Variants in GPC5 observed in about 807,000 individuals in gnomAD.
GPC5 encodes glypican 5.
Under a neutral mutation model 53.9 loss-of-function variants are expected in GPC5, and 47 were observed. That is an observed-to-expected ratio of 0.87 (90% CI 0.69 to 1.11). The LOEUF (loss-of-function observed/expected upper bound fraction) is 1.11, where lower values mean the gene tolerates loss of function less well. Ranked by LOEUF, GPC5 falls within the 50% of genes most tolerant of loss-of-function variation. The probability of loss-of-function intolerance (pLI) is 0.00; values close to 1 mark genes in which losing one functional copy is unlikely to be tolerated. For synonymous variants in GPC5, 286 were observed against 263.3 expected (o/e 1.09, Z -0.84); for missense variants, 748 against 713.1 (o/e 1.05, Z -0.56).
rs148844385 is a variant in GPC5 at position 92,423,418 on chromosome 13, C to A, written c.1561+278429C>A. On this transcript the variant is annotated intron_variant, in intron 7 of 7. Transcript: ENST00000377067. Reference sequence around the variant, plus strand: ...AATTTCTTATTTTTCCATCAGATAACATTATTTGCTTATTTTGCTAATAGT... The same window carrying A: ...AATTTCTTATTTTTCCATCAGATAAAATTATTTGCTTATTTTGCTAATAGT... Among the ~76,000 whole-genome samples the A allele has an allele frequency of 1.3e-3, 198 of 152,240 alleles. 1 individual carries two copies. In the East Asian group the frequency reaches 0.036, roughly 28 times the overall value.
intron 6 of GPC5, among the ~76,000 whole-genome samples, chr13:92,002,736 T>C (rs2040566755): frequency 6.6e-6 from 1 of 152,162 alleles, no homozygotes; most frequent in South Asian, 2.1e-4. Context: ...AAAAAACTAC[T>C]TTTAGGAATG....
At position 92,191,569 on chromosome 13, in the gene GPC5, T is replaced by C. The variant is rs4516082; in HGVS notation, c.1561+46580T>C. ...ATCCATATAGAAAGCAGTACATGGA[T>C]CTTTACAGCAGCTTTATTAATAATT... On this transcript the variant is annotated intron_variant, in intron 7 of 7. Transcript: ENST00000377067. Among the ~76,000 whole-genome samples the C allele has an allele frequency of 3.3e-3, 500 of 152,184 alleles. 3 individuals are homozygous for C. The highest frequency in any genetic ancestry group is 0.021 in the South Asian group (102 of 4,822).
chr13:92,204,693 C>G (rs1229396894), intron 7 of GPC5, among the ~76,000 whole-genome samples: 1 of 152,140 alleles, frequency 6.6e-6, no homozygotes. Flanking sequence ...AGAAAAGATA[C>G]AGATCCAAAG....
chr13:91,600,860 A>G (rs2033159278), intron 2 of GPC5, among the ~76,000 whole-genome samples: 1 of 152,174 alleles, frequency 6.6e-6, no homozygotes. Flanking sequence ...AGGAAGATGT[A>G]TATACCTTTG....
Position 92,618,771 on chromosome 13 carries a change from G to T in GPC5, c.1562-247511G>T, listed in dbSNP as rs554119641. Reference sequence around the variant, plus strand: ...TTAGATTGACCACTAACATGACATAGACATAGAGTGTCATGTGAAATAAAG... The same window carrying T: ...TTAGATTGACCACTAACATGACATATACATAGAGTGTCATGTGAAATAAAG... On this transcript the variant is annotated intron_variant, in intron 7 of 7. Transcript: ENST00000377067. 8.6e-4 allele frequency among the ~76,000 whole-genome samples: 128 copies of T among 149,416 alleles called. 1 individual carries two copies. The highest frequency in any genetic ancestry group is 2.9e-3 in the African/African-American group (119 of 40,790).
At chr13:92,396,257 C>T (rs1875264438) in intron 7 of GPC5, among the ~76,000 whole-genome samples, 1 of 152,066 alleles carries the variant, frequency 6.6e-6, no homozygotes, top group South Asian at 2.1e-4. Flanking sequence ...ATTCAATCTG[C>T]TTGTAAAGCC....
chr13:92,435,083 T>A (rs955233500), intron 7 of GPC5, among the ~76,000 whole-genome samples: 2 of 152,030 alleles, frequency 1.3e-5, no homozygotes, highest in African/African-American at 4.8e-5. Flanking sequence ...CCCAGCTAAT[T>A]TTTGTATTTT....
intron 7 of GPC5, among the ~76,000 whole-genome samples, chr13:92,279,762 TA>T (rs1355985624): frequency 4.6e-5 from 7 of 152,108 alleles, no homozygotes; most frequent in African/African-American, 1.7e-4. Context: ...ATTTCTAGAA[TA>T]AATTCCACTT....
intron 6 of GPC5, among the ~76,000 whole-genome samples, chr13:92,008,168 T>C (rs528009871): frequency 1.3e-4 from 20 of 150,612 alleles, no homozygotes; most frequent in Admixed American, 4.7e-4. Flanking sequence ...GTTCACGCCA[T>C]TCTCCTGCTT....
chr13:92,407,529 T>C (rs1213637866), intron 7 of GPC5, among the ~76,000 whole-genome samples: 1 of 152,198 alleles, frequency 6.6e-6, no homozygotes, highest in African/African-American at 2.4e-5. Context: ...ATAATAAGAA[T>C]TGCTGAGTTT....
At chr13:92,279,969 T>G (rs2139166965) in intron 7 of GPC5, among the ~76,000 whole-genome samples, 1 of 152,188 alleles carries the variant, frequency 6.6e-6, no homozygotes, top group African/African-American at 2.4e-5. Flanking sequence ...TTGGCAGAAG[T>G]TTGGGTAGAA....
chr13:92,748,028 G>A (rs1889281522), intron 7 of GPC5, among the ~76,000 whole-genome samples: 1 of 152,024 alleles, frequency 6.6e-6, no homozygotes, highest in African/African-American at 2.4e-5. Context: ...GATGGCCTGA[G>A]GTAGTCTGTG....
intron 7 of GPC5, among the ~76,000 whole-genome samples, chr13:92,282,095 C>T (rs1029861188): frequency 1.1e-4 from 16 of 152,012 alleles, no homozygotes; most frequent in African/African-American, 3.4e-4. Context: ...AACTATGTGA[C>T]GAATGCACAA....
intron 7 of GPC5, among the ~76,000 whole-genome samples, chr13:92,842,969 TCC>T (rs1878481688): frequency 1.3e-5 from 2 of 152,120 alleles, no homozygotes; most frequent in Admixed American, 1.3e-4. Context: ...ACGACATAGA[TCC>T]ACTGATTTAT....
chr13:92,239,192 T>A (rs2042591766), intron 7 of GPC5, among the ~76,000 whole-genome samples: 1 of 151,894 alleles, frequency 6.6e-6, no homozygotes, highest in African/African-American at 2.4e-5. Context: ...TTATTTGATT[T>A]CCCTTGAATT....
intron 6 of GPC5, among the ~76,000 whole-genome samples, chr13:92,018,105 T>C (rs1253708126): frequency 1.3e-5 from 2 of 152,024 alleles, no homozygotes; most frequent in Non-Finnish European, 2.9e-5. Flanking sequence ...TGGAGCAAAT[T>C]CTCAGAATTG....
chr13:91,399,193 G>A lies in GPC5; in HGVS notation c.147G>A (p.Pro49=), dbSNP rs369039474. ...TGCTGGGAGCTGTCAGGGGGCTGCC[G>A]GATTCGCCGCGGGCAGGTAAGGGGC... is the stretch of plus-strand genomic sequence containing the variant. The part of the protein sequence containing the change: ...WRLLGAVRGL[P]DSPRAGPDLQ... Residue 49 remains proline (P), a synonymous_variant, in exon 1 of 8, where the codon CCG becomes CCA. Transcript: ENST00000377067. The A allele has an allele frequency of 1.9e-6, 3 of 1,612,154 alleles. No homozygotes were observed. The highest frequency in any genetic ancestry group is 2.2e-5 in the South Asian group (2 of 90,950).
chr13:91,994,787 C>A (rs1054146543), intron 6 of GPC5: 11 of 152,198 alleles, frequency 7.2e-5, no homozygotes, highest in Admixed American at 5.9e-4. Context: ...CTGGCATCAA[C>A]CCTGATCCCC....
At chr13:92,483,571 G>C (rs932948203) in intron 7 of GPC5, among the ~76,000 whole-genome samples, 1 of 152,096 alleles carries the variant, frequency 6.6e-6, no homozygotes, top group African/African-American at 2.4e-5. Context: ...CTGTAAACTA[G>C]TGTAGAGTTT....
Sources: gnomAD v4.1 joint callset for allele counts (sites outside exome capture counted in the v4.1 genomes callset) on GRCh38, gnomAD v4.1.1 for gene constraint, MANE v1.5 for transcripts, NCBI Gene and HGNC (gene_info 2026-07-23, HGNC 2026-07-21) for gene names.